The following CSMD3 variants were observed in gnomAD, a reference collection of about 807,000 sequenced individuals.
CSMD3 encodes CUB and sushi domain-containing protein 3.
CSMD3 carries 177 observed loss-of-function variants against 435.2 expected under a neutral mutation model. The ratio of observed to expected loss-of-function variants is 0.41; its 90% CI spans 0.36 to 0.46. CSMD3 has a LOEUF of 0.46. Among genes scored for constraint, CSMD3 ranks in the 20% least tolerant of loss-of-function variants. CSMD3 has a pLI of 0.34. For synonymous variants in CSMD3, 1,656 were observed against 1,520.5 expected, an observed-to-expected ratio of 1.09 and a Z score of -2.07; for missense variants, 4,265 against 4,504.6, an observed-to-expected ratio of 0.95 and a Z score of 1.52.
intron 1 of CSMD3, among the ~76,000 whole-genome samples, chr8:113,435,745 A>G (rs2094702198): frequency 6.6e-6 from 1 of 152,140 alleles, no homozygotes; most frequent in African/African-American, 2.4e-5. Context: ...CATGAGTCAT[A>G]AACACCTCCT....
intron 3 of CSMD3, among the ~76,000 whole-genome samples, chr8:113,234,322 T>C (rs1001405995): frequency 5.3e-5 from 8 of 152,240 alleles, no homozygotes; most frequent in Non-Finnish European, 1.2e-4. Flanking sequence ...TAGAATTTAC[T>C]TAAGCAGCTA....
chr8:113,387,705 G>T lies in CSMD3; in HGVS notation c.178+48972C>A, dbSNP rs191861857. Reference sequence around the variant, plus strand: ...CATGACAATGATTGGCAGAAAAGGGGGATGAGGAACAAGAAGGGAAAAAGA... The same window carrying T: ...CATGACAATGATTGGCAGAAAAGGGTGATGAGGAACAAGAAGGGAAAAAGA... On this transcript the variant is annotated intron_variant, in intron 1 of 70. Coordinates refer to ENST00000297405, the MANE Select transcript of CSMD3 (RefSeq NM_198123.2). Among the ~76,000 whole-genome samples, 134 of 151,488 alleles carry T rather than the reference G, an allele frequency of 8.8e-4. 2 individuals are homozygous for T. The highest frequency in any genetic ancestry group is 5.8e-4 in the East Asian group (3 of 5,162).
chr8:112,650,533 C>A (rs1182453975), intron 18 of CSMD3, among the ~76,000 whole-genome samples, 184 bp from the exon 19 acceptor site: 1 of 152,098 alleles, frequency 6.6e-6, no homozygotes, highest in Non-Finnish European at 1.5e-5. Flanking sequence ...CAGTAAGGAT[C>A]AAATTCAGGT....
chr8:112,792,557 G>A (rs990455078), intron 13 of CSMD3, among the ~76,000 whole-genome samples: 2 of 152,090 alleles, frequency 1.3e-5, no homozygotes, highest in South Asian at 2.1e-4. Flanking sequence ...AATTTGGGAG[G>A]AATATAAATA....
chr8:113,357,350 T>C (rs1188329309), intron 1 of CSMD3, among the ~76,000 whole-genome samples: 2 of 152,112 alleles, frequency 1.3e-5, no homozygotes, highest in Non-Finnish European at 1.5e-5. Context: ...ATTGAGAAAA[T>C]AGGAAAACTG....
intron 50 of CSMD3, 60 bp downstream of exon 50, chr8:112,310,918 C>T (rs1186113435): frequency 2.8e-6 from 4 of 1,404,824 alleles, no homozygotes; most frequent in Middle Eastern, 1.8e-4. Flanking sequence ...CAAATAAAAA[C>T]GTTAAATGGT....
intron 3 of CSMD3, among the ~76,000 whole-genome samples, chr8:113,222,944 C>G (rs1201923858): frequency 6.6e-6 from 1 of 150,896 alleles, no homozygotes; most frequent in Non-Finnish European, 1.5e-5. Context: ...GAAATTAGCT[C>G]ACATTCAGGT....
intron 32 of CSMD3, among the ~76,000 whole-genome samples, 184 bp downstream of exon 32, chr8:112,472,407 T>A (rs1187570965): frequency 6.6e-6 from 1 of 152,174 alleles, no homozygotes; most frequent in Non-Finnish European, 1.5e-5. Context: ...TACTTGACTG[T>A]AAATTCAGAT....
At chr8:113,284,676 C>T (rs1239051630) in intron 2 of CSMD3, among the ~76,000 whole-genome samples, 1 of 152,034 alleles carries the variant, frequency 6.6e-6, no homozygotes, top group Non-Finnish European at 1.5e-5. Flanking sequence ...TTGGACTTAA[C>T]ATGTTTTCTA....
At chr8:112,981,249 G>T (rs1377651200) in intron 6 of CSMD3, among the ~76,000 whole-genome samples, 1 of 151,234 alleles carries the variant, frequency 6.6e-6, no homozygotes, top group Non-Finnish European at 1.5e-5. Context: ...TGCAAAATTG[G>T]CTATCACTTG....
intron 24 of CSMD3, among the ~76,000 whole-genome samples, chr8:112,568,411 G>A (rs1014846288): frequency 1.3e-5 from 2 of 151,954 alleles, no homozygotes; most frequent in African/African-American, 2.4e-5. Context: ...TGGCCAATAT[G>A]GCAAAACCCT....
chr8:112,290,838 G>A (rs111738919), intron 56 of CSMD3, among the ~76,000 whole-genome samples: 1 of 152,072 alleles, frequency 6.6e-6, no homozygotes, highest in African/African-American at 2.4e-5. Flanking sequence ...TCAATTGACT[G>A]AATTGCTAGA....
chr8:113,200,698 G>A (rs763310052), intron 3 of CSMD3, among the ~76,000 whole-genome samples: 3 of 151,052 alleles, frequency 2.0e-5, no homozygotes, highest in Non-Finnish European at 4.4e-5. Flanking sequence ...AAATGAAGAT[G>A]AAGCAAATCT....
intron 61 of CSMD3, 141 bp downstream of exon 61, chr8:112,263,498 A>T (rs1219050088): frequency 5.8e-6 from 4 of 688,028 alleles, no homozygotes; most frequent in Non-Finnish European, 1.0e-5. Flanking sequence ...TGACTTAATT[A>T]CATGAAAAGT....
At chr8:112,956,271 C>G (rs2084016384) in intron 7 of CSMD3, among the ~76,000 whole-genome samples, 1 of 151,972 alleles carries the variant, frequency 6.6e-6, no homozygotes, top group African/African-American at 2.4e-5. Context: ...CTACATCCCT[C>G]CCAAGTGACG....
At chr8:113,417,247 C>A (rs1354505698) in intron 1 of CSMD3, among the ~76,000 whole-genome samples, 3 of 151,788 alleles carry the variant, frequency 2.0e-5, no homozygotes, top group African/African-American at 4.8e-5. Flanking sequence ...TTGAAGAGAA[C>A]AATTCATGCA....
intron 59 of CSMD3, among the ~76,000 whole-genome samples, chr8:112,270,765 A>G (rs1353749028): frequency 6.6e-6 from 1 of 152,178 alleles, no homozygotes; most frequent in Non-Finnish European, 1.5e-5. Context: ...AAATTGGATT[A>G]TTCCTCTGAT....
At chr8:112,668,227 G>A (rs913469266) in intron 16 of CSMD3, among the ~76,000 whole-genome samples, 6 of 152,150 alleles carry the variant, frequency 3.9e-5, no homozygotes, top group African/African-American at 1.2e-4. Context: ...CTCATAATTA[G>A]GTTTCCTGTA....
At chr8:112,811,346 C>A (rs13253012) in intron 12 of CSMD3, among the ~76,000 whole-genome samples, 35,787 of 151,690 alleles carry the variant, frequency 0.24, 5,019 homozygotes, top group Non-Finnish European at 0.32. Flanking sequence ...CTATAGAAAA[C>A]CTAAAGTTGT....
Sources: allele counts gnomAD v4.1 joint callset (sites outside exome capture counted in the v4.1 genomes callset), GRCh38; gene constraint gnomAD v4.1.1; transcripts MANE v1.5; gene names NCBI Gene and HGNC (gene_info 2026-07-23, HGNC 2026-07-21).